The following NRCAM variants were observed in gnomAD, a reference collection of about 807,000 sequenced individuals.
NRCAM encodes neuronal cell adhesion molecule, also known as NgCAM-related cell adhesion molecule.
Under a neutral mutation model 156.5 loss-of-function variants are expected in NRCAM, and 83 were observed. The ratio of observed to expected loss-of-function variants is 0.53; its 90% CI spans 0.44 to 0.64. The LOEUF (loss-of-function observed/expected upper bound fraction) is 0.64. Ranked by LOEUF, NRCAM falls within the 30% of genes least tolerant of loss-of-function variation. The pLI, the probability that NRCAM is intolerant of heterozygous loss-of-function variation, is 0.00. For missense variants in NRCAM, 1,417 were observed against 1,597.3 expected, an observed-to-expected ratio of 0.89 and a Z score of 1.92; for synonymous variants, 538 against 563.9, an observed-to-expected ratio of 0.95 and a Z score of 0.65.
chr7:108,395,014 T>A (rs1252864599), intron 2 of NRCAM, among the ~76,000 whole-genome samples: 2 of 152,222 alleles, frequency 1.3e-5, no homozygotes, highest in Non-Finnish European at 2.9e-5. Flanking sequence ...TTATCCATTA[T>A]GCAGATGCTT....
At chr7:108,354,872 C>A (rs977274608) in intron 2 of NRCAM, among the ~76,000 whole-genome samples, 2 of 150,768 alleles carry the variant, frequency 1.3e-5, no homozygotes, top group Admixed American at 6.6e-5. Context: ...CCAGCCTGGG[C>A]AACAAGAGCG....
chr7:108,330,049 T>C (rs139453536), intron 2 of NRCAM, among the ~76,000 whole-genome samples: 256 of 152,330 alleles, frequency 1.7e-3, no homozygotes, highest in African/African-American at 5.7e-3. Flanking sequence ...TGCCTAGTCA[T>C]TGATACAACA....
intron 2 of NRCAM, among the ~76,000 whole-genome samples, chr7:108,329,485 G>C (rs1208864696): frequency 6.6e-6 from 1 of 151,980 alleles, no homozygotes; most frequent in Non-Finnish European, 1.5e-5. Flanking sequence ...AGAGAAGCAG[G>C]TTTATAACTC....
chr7:108,449,668 T>C (rs573708183), intron 1 of NRCAM, among the ~76,000 whole-genome samples: 3 of 152,368 alleles, frequency 2.0e-5, no homozygotes, highest in South Asian at 4.1e-4. Context: ...TATGAGTCTG[T>C]AAATGTTCAT....
intron 3 of NRCAM, among the ~76,000 whole-genome samples, chr7:108,268,646 G>GA (rs2097212391): frequency 2.5e-5 from 2 of 81,532 alleles, no homozygotes; most frequent in Non-Finnish European, 5.4e-5. Context: ...TGGGGGGGGC[G>GA]GCGGTGGCGG....
At chr7:108,212,917 CA>C (rs1240239507) in intron 11 of NRCAM, among the ~76,000 whole-genome samples, 2 of 152,132 alleles carry the variant, frequency 1.3e-5, no homozygotes, top group Non-Finnish European at 2.9e-5. Context: ...AAACTCATCT[CA>C]AAAAGATGTC....
chr7:108,239,143 G>T (rs1455162864), intron 4 of NRCAM, among the ~76,000 whole-genome samples: 1 of 152,072 alleles, frequency 6.6e-6, no homozygotes, highest in Non-Finnish European at 1.5e-5. Context: ...CTTTCCATTT[G>T]CAGGAAAAGT....
chr7:108,232,444 C>G lies in NRCAM; in HGVS notation c.309G>C (p.Thr103=), dbSNP rs759899078. The G allele has an allele frequency of 6.2e-7, 1 of 1,613,596 alleles. No homozygotes were observed. The highest frequency in any genetic ancestry group is 8.5e-7 in the Non-Finnish European group (1 of 1,179,666). ...PLVTMKPGTG[T]LIINIMSEGK... Reference sequence around the variant, plus strand: ...CTTCGCTCATGATGTTAATTATGAGCGTTCCTGTGCCAGGCTTCATGGTGA... The same window carrying G: ...CTTCGCTCATGATGTTAATTATGAGGGTTCCTGTGCCAGGCTTCATGGTGA... Residue 103 remains threonine, a synonymous_variant, in exon 7 of 33, where the codon ACG becomes ACC. Coordinates refer to ENST00000379028, the MANE Select transcript of NRCAM (RefSeq NM_001037132.4).
intron 11 of NRCAM, among the ~76,000 whole-genome samples, chr7:108,222,474 T>C (rs2092588892): frequency 1.3e-5 from 2 of 152,318 alleles, no homozygotes; most frequent in Non-Finnish European, 2.9e-5. Context: ...TGAGAATAGA[T>C]ACCTTCTGCT....
At chr7:108,225,610 A>C in intron 10 of NRCAM, 35 bp downstream of exon 10, 1 of 1,306,094 alleles carries the variant, frequency 7.7e-7, no homozygotes, top group Non-Finnish European at 1.1e-6. Context: ...TCTACAATGA[A>C]GGAGAGAATA....
intron 2 of NRCAM, among the ~76,000 whole-genome samples, chr7:108,362,102 A>C (rs1253561233): frequency 6.6e-6 from 1 of 152,180 alleles, no homozygotes; most frequent in Non-Finnish European, 1.5e-5. Context: ...GCTATAGCAA[A>C]ATACCACAAG....
chr7:108,386,124 T>C (rs1017119233), intron 2 of NRCAM, among the ~76,000 whole-genome samples: 2 of 152,092 alleles, frequency 1.3e-5, no homozygotes, highest in Admixed American at 6.6e-5. Flanking sequence ...AGGAAAACTA[T>C]ACAGACATGT....
At chr7:108,322,956 A>T (rs2099020066) in intron 2 of NRCAM, among the ~76,000 whole-genome samples, 1 of 152,186 alleles carries the variant, frequency 6.6e-6, no homozygotes. Flanking sequence ...CTCTCTGTGT[A>T]CAAAATGGGG....
At chr7:108,368,342 T>C (rs371223898) in intron 2 of NRCAM, among the ~76,000 whole-genome samples, 14 of 151,750 alleles carry the variant, frequency 9.2e-5, no homozygotes, top group African/African-American at 2.9e-4. Flanking sequence ...TTTCCTAATG[T>C]GACTTGACTT....
chr7:108,220,747 A>G (rs1189224974), intron 11 of NRCAM, among the ~76,000 whole-genome samples: 1 of 152,242 alleles, frequency 6.6e-6, no homozygotes, highest in African/African-American at 2.4e-5. Context: ...TAAAAATTCT[A>G]GAAAATATCA....
chr7:108,268,620 G>C (rs1397415108), intron 3 of NRCAM, among the ~76,000 whole-genome samples: 1 of 109,880 alleles, frequency 9.1e-6, no homozygotes, highest in Non-Finnish European at 1.9e-5. Flanking sequence ...GGGCGGGGGT[G>C]GGGGTGGGGG....
chr7:108,247,248 A>G (rs2096003798), intron 3 of NRCAM, among the ~76,000 whole-genome samples: 1 of 152,204 alleles, frequency 6.6e-6, no homozygotes, highest in Non-Finnish European at 1.5e-5. Flanking sequence ...AGCCATAGAT[A>G]TCTGCAATAA....
rs749294576 is a variant in NRCAM, at chr7:108,232,306, G to C, written c.427+20C>G. 2 of 1,569,720 alleles carry C rather than the reference G, an allele frequency of 1.3e-6. No individual in the cohort carries two copies. Among genetic ancestry groups the C allele is most frequent in the Non-Finnish European group, 1.7e-6 (2 of 1,155,688 alleles). ...CAATACTTTAAAAAGGGTCATGTTG[G>C]TTGACAAGTTTCCACTTACTGGATG... On this transcript the variant is annotated intron_variant, in intron 7 of 32. Coordinates refer to ENST00000379028, the MANE Select transcript of NRCAM (RefSeq NM_001037132.4).
chr7:108,221,919 G>A lies in NRCAM; in HGVS notation c.890+1806C>T, dbSNP rs976220608. Among the ~76,000 whole-genome samples the A allele has an allele frequency of 2.3e-4, 29 of 128,588 alleles. No homozygotes were observed. In the Admixed American group the frequency reaches 2.4e-3, roughly 11 times the overall value. The allele number at this position is 128,588 out of a possible 152,430, so 84.4% of individuals were successfully genotyped here. A position where few individuals can be genotyped will look rare whatever the true frequency, so the allele number is the denominator to read the frequency against. ...GCCCAGTCATCACATGGAACCATGAGAAATAATAAATTATGGTTCAAGCAA... is the reference window on the plus strand; with the variant it reads ...GCCCAGTCATCACATGGAACCATGAAAAATAATAAATTATGGTTCAAGCAA... On this transcript the variant is annotated intron_variant, in intron 11 of 32. Coordinates refer to ENST00000379028, the MANE Select transcript of NRCAM (RefSeq NM_001037132.4).
Sources: allele counts gnomAD v4.1 joint callset (sites outside exome capture counted in the v4.1 genomes callset), GRCh38; gene constraint gnomAD v4.1.1; transcripts MANE v1.5; gene names NCBI Gene and HGNC (gene_info 2026-07-23, HGNC 2026-07-21).